The following ARFGEF3 variants were observed in gnomAD, a reference collection of about 807,000 sequenced individuals.
ARFGEF3 encodes the protein brefeldin A-inhibited guanine nucleotide-exchange protein 3.
Under a neutral mutation model 221.7 loss-of-function variants are expected in ARFGEF3, and 96 were observed. The ratio of observed to expected loss-of-function variants is 0.43; its 90% CI spans 0.37 to 0.51. The LOEUF (loss-of-function observed/expected upper bound fraction) is 0.51. ARFGEF3 is among the 20% of genes least tolerant of loss of function. ARFGEF3 has a pLI of 0.00. For synonymous variants in ARFGEF3, 1,145 were observed against 1,126.8 expected (o/e 1.02, Z -0.32); for missense variants, 2,410 against 2,789.9 (o/e 0.86, Z 3.07).
chr6:138,245,185 C>G (rs912767239), intron 7 of ARFGEF3, among the ~76,000 whole-genome samples: 1 of 152,006 alleles, frequency 6.6e-6, no homozygotes, highest in African/African-American at 2.4e-5. Flanking sequence ...GCCTGTAATC[C>G]CAGCTACTTA....
At chr6:138,173,665 A>G (rs1165770194) in intron 2 of ARFGEF3, among the ~76,000 whole-genome samples, 2 of 152,130 alleles carry the variant, frequency 1.3e-5, no homozygotes, top group Non-Finnish European at 2.9e-5. Flanking sequence ...TATGGTTTCA[A>G]TGTGTCCAAG....
intron 2 of ARFGEF3, among the ~76,000 whole-genome samples, chr6:138,193,861 T>G (rs1777358790): frequency 6.6e-6 from 1 of 152,194 alleles, no homozygotes; most frequent in African/African-American, 2.4e-5. Context: ...ATTAGTTTTG[T>G]TTTGCTTTTA....
rs1458968910 is a variant in ARFGEF3 at position 138,343,388 on chromosome 6, T to C, written c.*6902T>C. 2 of 152,110 alleles carry C rather than the reference T, an allele frequency of 1.3e-5. No homozygotes were observed. Among genetic ancestry groups the C allele is most frequent in the African/African-American group, 4.8e-5 (2 of 41,426 alleles). The allele number at this position is 152,110 out of a possible 1,614,324, so 9.4% of individuals were successfully genotyped here. ...CTAGAATTAGTGAGATCAGAAAGCA[T>C]ATCAGAATGTTGATGATATCAAGGA... On this transcript the variant is annotated 3_prime_UTR_variant, in exon 34 of 34. Transcript: ENST00000251691.
intron 25 of ARFGEF3, among the ~76,000 whole-genome samples, chr6:138,313,310 C>T (rs1779863724): frequency 6.6e-6 from 1 of 152,206 alleles, no homozygotes; most frequent in Non-Finnish European, 1.5e-5. Context: ...AGACCTTCCT[C>T]TCTCCCTCCT....
At chr6:138,331,835 C>G (rs1275122581) in intron 32 of ARFGEF3, among the ~76,000 whole-genome samples, 2 of 152,208 alleles carry the variant, frequency 1.3e-5, no homozygotes, top group African/African-American at 2.4e-5. Context: ...AATTGCATAT[C>G]TATAAAATTG....
At chr6:138,203,072 G>T (rs924354101) in intron 2 of ARFGEF3, among the ~76,000 whole-genome samples, 1 of 152,180 alleles carries the variant, frequency 6.6e-6, no homozygotes, top group Non-Finnish European at 1.5e-5. Flanking sequence ...TGGGATCCAT[G>T]TAGAGTCGAG....
At chr6:138,205,885 G>GA (rs1197825830) in intron 2 of ARFGEF3, among the ~76,000 whole-genome samples, 15 of 152,242 alleles carry the variant, frequency 9.9e-5, no homozygotes, top group Non-Finnish European at 2.9e-5. Flanking sequence ...CATCGGTTAT[G>GA]AAGCTGCTGA....
chr6:138,320,134 A>T (rs1167360871), intron 28 of ARFGEF3, among the ~76,000 whole-genome samples: 1 of 152,212 alleles, frequency 6.6e-6, no homozygotes, highest in Admixed American at 6.5e-5. Context: ...AAAATACCTA[A>T]TAAGAGGTCT....
At chr6:138,185,679 G>A (rs1322986151) in intron 2 of ARFGEF3, among the ~76,000 whole-genome samples, 1 of 152,200 alleles carries the variant, frequency 6.6e-6, no homozygotes, top group African/African-American at 2.4e-5. Flanking sequence ...GGACCTTAGA[G>A]GTAGGGCTTT....
At chr6:138,221,884 A>G (rs1777989112) in intron 4 of ARFGEF3, among the ~76,000 whole-genome samples, 1 of 152,246 alleles carries the variant, frequency 6.6e-6, no homozygotes, top group Non-Finnish European at 1.5e-5. Context: ...AAAATCTCTC[A>G]GAATAGCTGT....
intron 4 of ARFGEF3, among the ~76,000 whole-genome samples, chr6:138,213,060 G>A (rs895831222): frequency 4.6e-5 from 7 of 151,942 alleles, no homozygotes; most frequent in Admixed American, 1.3e-4. Context: ...AGGTCGAGGT[G>A]GGGGGCTCAC....
At chr6:138,262,309 C>T (rs1013767984) in intron 11 of ARFGEF3, among the ~76,000 whole-genome samples, 1 of 151,712 alleles carries the variant, frequency 6.6e-6, no homozygotes, top group Non-Finnish European at 1.5e-5. Context: ...CCTGTCTCAG[C>T]TTCCTGAGTA....
At chr6:138,196,082 G>A (rs555625521) in intron 2 of ARFGEF3, among the ~76,000 whole-genome samples, 3 of 152,184 alleles carry the variant, frequency 2.0e-5, no homozygotes, top group African/African-American at 7.2e-5. Context: ...AATGTAGTTT[G>A]AGATTGACAA....
At position 138,311,394 on chromosome 6, in the gene ARFGEF3, G is replaced by C. The variant is rs370654000; in HGVS notation, c.4097-13G>C. 3.2e-6 allele frequency: 5 copies of C among 1,576,876 alleles called. No homozygotes were observed. The highest frequency in any genetic ancestry group is 1.7e-4 in the Middle Eastern group (1 of 6,002). ...GTAACACTGTTGGTCTCTGTCTCCC[G>C]TGCCGCCCCTAGGGGAGGTGGACTG... On this transcript the variant is annotated splice_polypyrimidine_tract_variant and intron_variant, in intron 24 of 33. Coordinates refer to ENST00000251691, the MANE Select transcript of ARFGEF3 (RefSeq NM_020340.5).
In ARFGEF3 at chr6:138,162,074, C is replaced by G; in HGVS notation, c.-13C>G. On this transcript the variant is annotated 5_prime_UTR_variant, in exon 1 of 34. Transcript: ENST00000251691. This position sits in a 1 kb window ranked among gnomAD's most constrained non-coding sequence, Gnocchi z 4.7. ...CTCCCTGTGGGCGGCGGCCCGGCGC[C>G]TGGAAGGTCAAGATGGAAGAAATCC... 6.4e-7 allele frequency: 1 copy of G among 1,574,132 alleles called. No individual in the cohort carries two copies. Among genetic ancestry groups the G allele is most frequent in the Non-Finnish European group, 8.6e-7 (1 of 1,160,226 alleles).
At chr6:138,175,320 G>C (rs891162782) in intron 2 of ARFGEF3, among the ~76,000 whole-genome samples, 2 of 152,148 alleles carry the variant, frequency 1.3e-5, no homozygotes, top group African/African-American at 4.8e-5. Context: ...TTGGGGGTGA[G>C]TTTTAAGGGT....
intron 4 of ARFGEF3, among the ~76,000 whole-genome samples, chr6:138,227,519 T>C (rs1191469221): frequency 1.3e-5 from 2 of 152,156 alleles, no homozygotes; most frequent in Non-Finnish European, 2.9e-5. Context: ...ATATTTGCCA[T>C]CATTATTTTC....
intron 14 of ARFGEF3, among the ~76,000 whole-genome samples, chr6:138,281,375 A>G (rs1463214311): frequency 2.0e-5 from 3 of 152,206 alleles, no homozygotes; most frequent in Non-Finnish European, 4.4e-5. Flanking sequence ...TTACCTGGGC[A>G]TATTGCATGA....
At chr6:138,258,495 T>G (rs1778726999) in intron 10 of ARFGEF3, among the ~76,000 whole-genome samples, 1 of 152,332 alleles carries the variant, frequency 6.6e-6, no homozygotes, top group South Asian at 2.1e-4. Context: ...TATGGCTGCT[T>G]CTTTGCTATC....
Sources: allele counts gnomAD v4.1 joint callset (sites outside exome capture counted in the v4.1 genomes callset), GRCh38; gene constraint gnomAD v4.1.1; non-coding constraint Gnocchi (gnomAD v3.1); transcripts MANE v1.5; gene names NCBI Gene and HGNC (gene_info 2026-07-23, HGNC 2026-07-21).